The following ALG12 variants were observed in gnomAD, a reference collection of about 807,000 sequenced individuals.
ALG12 encodes ALG12 alpha-1,6-mannosyltransferase.
Under a neutral mutation model 46.0 loss-of-function variants are expected in ALG12, and 36 were observed. The ratio of observed to expected loss-of-function variants is 0.78; its 90% CI spans 0.60 to 1.03. The LOEUF (loss-of-function observed/expected upper bound fraction) is 1.03, where lower values mean the gene tolerates loss of function less well. Ranked by LOEUF, ALG12 falls within the 50% of genes least tolerant of loss-of-function variation. The pLI is 0.00. For synonymous variants in ALG12, 326 were observed against 291.6 expected (o/e 1.12, Z -1.20); for missense variants, 599 against 633.5 (o/e 0.95, Z 0.58).
chr22:49,885,071 T>C, the ALG12 span: 3 of 1,612,738 alleles, frequency 1.9e-6, no homozygotes, highest in African/African-American at 1.3e-5. Flanking sequence ...CTGGCCCCCA[T>C]GGACAGCCTC....
At chr22:49,884,754 G>T in the ALG12 span, 1 of 1,594,516 alleles carries the variant, frequency 6.3e-7, no homozygotes, top group Non-Finnish European at 8.6e-7. Flanking sequence ...CCTTGCTGCC[G>T]CCGGAGGGGG....
At chr22:49,868,346 G>A in the ALG12 span, among the ~76,000 whole-genome samples, 10 of 152,218 alleles carry the variant, frequency 6.6e-5, no homozygotes, top group South Asian at 1.9e-3. Flanking sequence ...GAAGCTGGCT[G>A]AGGCTGGTGG....
the ALG12 span, chr22:49,883,542 A>G: frequency 7.5e-7 from 1 of 1,334,566 alleles, no homozygotes; most frequent in Non-Finnish European, 1.0e-6. Flanking sequence ...ATTTCTAGAA[A>G]CATCCTGAAA....
downstream of ALG12, among the ~76,000 whole-genome samples, chr22:49,897,571 C>T (rs2060487975): frequency 6.6e-6 from 1 of 151,888 alleles, no homozygotes; most frequent in Admixed American, 6.6e-5. Flanking sequence ...TCCCTAATGA[C>T]CATATAATGA....
chr22:49,883,700 G>T, the ALG12 span: 1 of 1,602,350 alleles, frequency 6.2e-7, no homozygotes, highest in Non-Finnish European at 8.5e-7. Flanking sequence ...AAAGAGGACG[G>T]TGATTTCGTT....
chr22:49,872,136 A>C, the ALG12 span, among the ~76,000 whole-genome samples: 97,441 of 151,708 alleles, frequency 0.64, 35,458 homozygotes, highest in East Asian at 0.85. Flanking sequence ...CCCACAGTAG[A>C]ACTTCTTTCA....
the ALG12 span, among the ~76,000 whole-genome samples, chr22:49,874,797 C>G: frequency 6.8e-6 from 1 of 147,748 alleles, no homozygotes; most frequent in Non-Finnish European, 1.5e-5. Context: ...ATTCTCCTGC[C>G]TCAGCCTCCT....
the ALG12 span, chr22:49,883,300 A>C: frequency 6.0e-6 from 1 of 166,586 alleles, no homozygotes; most frequent in Non-Finnish European, 1.3e-5. Flanking sequence ...TGTGTGATTT[A>C]GTTCCATGCT....
chr22:49,871,363 G>A, the ALG12 span, among the ~76,000 whole-genome samples: 1 of 152,146 alleles, frequency 6.6e-6, no homozygotes, highest in East Asian at 2.0e-4. Flanking sequence ...GCACGCACCT[G>A]TAATCTCAGC....
the ALG12 span, chr22:49,883,800 G>C: frequency 6.2e-7 from 1 of 1,613,496 alleles, no homozygotes. Flanking sequence ...AAAGCGAGCA[G>C]GAGGACATGA....
the ALG12 span, among the ~76,000 whole-genome samples, chr22:49,862,693 CTTTTTTTT>C: frequency 1.9e-3 from 112 of 59,014 alleles, no homozygotes; most frequent in Middle Eastern, 0.014. Flanking sequence ...TAAGTTTTTC[CTTTTTTTT>C]TTTTTTTTTT....
At chr22:49,878,140 A>G in the ALG12 span, among the ~76,000 whole-genome samples, 1 of 152,082 alleles carries the variant, frequency 6.6e-6, no homozygotes, top group Non-Finnish European at 1.5e-5. Context: ...CACCGTCTCT[A>G]CTAAAAATAC....
rs2060503779 is a variant in ALG12, at chr22:49,901,291, ATCTGGCC to A, written c.*2540_*2546del. ...GGAAGCCTGCTCTCCAGCCCTCACC[ATCTGGCC>A]TCTGTGGGAGTCAGGAAGTGTCTGC... is the stretch of plus-strand genomic sequence containing the variant. On this transcript the variant is annotated 3_prime_UTR_variant, in exon 10 of 10. Transcript: ENST00000330817. 1 of 152,268 alleles carries A rather than the reference ATCTGGCC, an allele frequency of 6.6e-6. No homozygotes were observed. Among genetic ancestry groups the A allele is most frequent in the Non-Finnish European group, 1.5e-5 (1 of 68,064 alleles). The allele number at this position is 152,268 out of a possible 1,614,324, so 9.4% of individuals were successfully genotyped here. A position where few individuals can be genotyped will look rare whatever the true frequency, so the allele number is the denominator to read the frequency against.
chr22:49,877,217 T>C, the ALG12 span, among the ~76,000 whole-genome samples: 2 of 148,520 alleles, frequency 1.3e-5, no homozygotes, highest in Non-Finnish European at 3.0e-5. Context: ...TGCTTTTTTA[T>C]TCATTCTGAC....
the ALG12 span, chr22:49,885,558 C>T: frequency 1.9e-6 from 3 of 1,604,682 alleles, no homozygotes; most frequent in Admixed American, 3.4e-5. Context: ...TGCCGCGGGG[C>T]ACAGAATTAT....
chr22:49,915,351 G>A (rs751951356), intron 1 of ALG12, among the ~76,000 whole-genome samples: 2 of 152,114 alleles, frequency 1.3e-5, no homozygotes, highest in Non-Finnish European at 2.9e-5. Flanking sequence ...GAGGTCAGCA[G>A]ATCAAGACCA....
At chr22:49,892,411 AAC>A in the ALG12 span, among the ~76,000 whole-genome samples, 4 of 152,220 alleles carry the variant, frequency 2.6e-5, no homozygotes. Flanking sequence ...GACCGGCAGC[AAC>A]ACACAAGCTG....
At chr22:49,888,241 G>C in the ALG12 span, 1 of 167,036 alleles carries the variant, frequency 6.0e-6, no homozygotes, top group African/African-American at 2.4e-5. Context: ...TGTCTTCAGA[G>C]AAAAAAAGAT....
chr22:49,887,296 G>A, the ALG12 span: 6 of 1,120,818 alleles, frequency 5.4e-6, no homozygotes, highest in East Asian at 7.5e-5. Flanking sequence ...GCACTCTCAG[G>A]GCCGCTCTCC....
Sources: allele counts gnomAD v4.1 joint callset (sites outside exome capture counted in the v4.1 genomes callset), GRCh38; gene constraint gnomAD v4.1.1; transcripts MANE v1.5; gene names NCBI Gene and HGNC (gene_info 2026-07-23, HGNC 2026-07-21).